The following ESR1 variants were observed in gnomAD, a reference collection of about 807,000 sequenced individuals.
ESR1 encodes the protein estrogen receptor.
ESR1 carries 12 observed loss-of-function variants against 52.7 expected under a neutral mutation model. That is an observed-to-expected ratio of 0.23 (90% CI 0.15 to 0.37). The LOEUF (loss-of-function observed/expected upper bound fraction) is 0.37, where lower values mean the gene tolerates loss of function less well. Among genes scored for constraint, ESR1 ranks in the 10% least tolerant of loss-of-function variants. ESR1 has a pLI of 1.00. For synonymous variants in ESR1, 305 were observed against 316.8 expected (o/e 0.96, Z 0.39); for missense variants, 584 against 779.7 (o/e 0.75, Z 2.99).
intron 3 of ESR1, among the ~76,000 whole-genome samples, chr6:151,909,328 T>TC (rs1327630184): frequency 6.6e-6 from 1 of 152,172 alleles, no homozygotes; most frequent in Non-Finnish European, 1.5e-5. Context: ...TTGGGGAGTC[T>TC]CCACCTTGAA....
chr6:151,919,673 A>G (rs921926017), intron 3 of ESR1, among the ~76,000 whole-genome samples: 2 of 152,198 alleles, frequency 1.3e-5, no homozygotes, highest in African/African-American at 4.8e-5. Context: ...GTCAGCGGAT[A>G]TTTTAGTTGT....
intron 5 of ESR1, among the ~76,000 whole-genome samples, chr6:152,012,956 A>G (rs2042899843): frequency 6.6e-6 from 1 of 152,208 alleles, no homozygotes. Context: ...AGAATTGTAC[A>G]AGGTGTTGGT....
intron 2 of ESR1, among the ~76,000 whole-genome samples, chr6:151,756,183 T>C (rs1214113581): frequency 6.6e-6 from 1 of 151,668 alleles, no homozygotes; most frequent in Non-Finnish European, 1.5e-5. Flanking sequence ...CACTGCATCT[T>C]CCTCCATCTT....
At chr6:151,785,020 G>A (rs79532784) in intron 2 of ESR1, among the ~76,000 whole-genome samples, 3,193 of 152,292 alleles carry the variant, frequency 0.021, 112 homozygotes, top group African/African-American at 0.073. Context: ...TGTTATGAGG[G>A]GGAACTGTAC....
chr6:151,799,124 C>T (rs974101996), intron 2 of ESR1, among the ~76,000 whole-genome samples: 1 of 152,078 alleles, frequency 6.6e-6, no homozygotes, highest in African/African-American at 2.4e-5. Flanking sequence ...CAAGCAAGGC[C>T]CACACTAAAA....
chr6:152,036,856 A>T (rs779655566), intron 5 of ESR1, among the ~76,000 whole-genome samples: 33 of 152,202 alleles, frequency 2.2e-4, no homozygotes, highest in Non-Finnish European at 4.6e-4. Flanking sequence ...TCTCCAAGGC[A>T]TGGGGAGGAA....
At chr6:151,900,119 G>A (rs1375772585) in intron 3 of ESR1, among the ~76,000 whole-genome samples, 1 of 152,236 alleles carries the variant, frequency 6.6e-6, no homozygotes, top group Non-Finnish European at 1.5e-5. Context: ...AGCACTGAGT[G>A]CGGTTTTGTT....
intron 1 of ESR1, among the ~76,000 whole-genome samples, chr6:151,662,798 G>A (rs999266927): frequency 2.6e-5 from 4 of 152,204 alleles, no homozygotes; most frequent in Non-Finnish European, 4.4e-5. Context: ...AAGAGTTTTC[G>A]AAGTCTTTAG....
chr6:151,970,208 G>A (rs1364344171), intron 4 of ESR1, among the ~76,000 whole-genome samples: 1 of 152,046 alleles, frequency 6.6e-6, no homozygotes, highest in East Asian at 1.9e-4. Flanking sequence ...CAGTAAATAA[G>A]GTTAAGGAAG....
chr6:151,718,066 G>A (rs533784276), intron 2 of ESR1, among the ~76,000 whole-genome samples: 1 of 152,246 alleles, frequency 6.6e-6, no homozygotes, highest in South Asian at 2.1e-4. Flanking sequence ...TCTGATGAAT[G>A]AATGAATAAG....
At chr6:152,002,488 A>G (rs752588477) in intron 4 of ESR1, among the ~76,000 whole-genome samples, 31 of 152,116 alleles carry the variant, frequency 2.0e-4, no homozygotes, top group Non-Finnish European at 3.4e-4. Context: ...GAAAGAATGT[A>G]TGTTCCAAGG....
chr6:152,109,060 G>T (rs2051100218), intron 6 of ESR1, among the ~76,000 whole-genome samples: 1 of 152,186 alleles, frequency 6.6e-6, no homozygotes, highest in Non-Finnish European at 1.5e-5. Context: ...GGAGAAGGCA[G>T]AGGGAGGTGG....
rs1360905190 is a variant in ESR1, at chr6:152,011,645, C to T, written c.1097-11C>T. On this transcript the variant is annotated splice_polypyrimidine_tract_variant and intron_variant, in intron 4 of 7. Coordinates refer to ENST00000206249, the MANE Select transcript of ESR1 (RefSeq NM_000125.4). ...ATTTGAGTCAGCAGGGTTTTTCTTG[C>T]TTGTTTTCAGGCTTTGTGGATTTGA... 51 of 1,612,876 alleles carry T rather than the reference C, an allele frequency of 3.2e-5. No individual in the cohort carries two copies. Among genetic ancestry groups the T allele is most frequent in the Non-Finnish European group, 4.2e-5 (49 of 1,179,344 alleles).
At chr6:151,685,848 A>G (rs987635378), upstream of ESR1, among the ~76,000 whole-genome samples, 54 of 152,188 alleles carry the variant, frequency 3.5e-4, no homozygotes, top group African/African-American at 1.3e-3. Flanking sequence ...AAGAGGAGGC[A>G]CATAATTTAT....
chr6:151,906,841 A>C (rs2128422642), intron 3 of ESR1, among the ~76,000 whole-genome samples: 1 of 151,174 alleles, frequency 6.6e-6, no homozygotes, highest in East Asian at 1.9e-4. Flanking sequence ...GGACGCTATA[A>C]AGTTATTTGT....
intron 2 of ESR1, among the ~76,000 whole-genome samples, chr6:151,763,566 G>C (rs962570912): frequency 1.3e-5 from 2 of 152,104 alleles, no homozygotes; most frequent in Admixed American, 6.5e-5. Context: ...CTGACAGGAC[G>C]GTGTTGCCTA....
At chr6:151,972,903 G>A (rs1303565247) in intron 4 of ESR1, among the ~76,000 whole-genome samples, 4 of 152,168 alleles carry the variant, frequency 2.6e-5, no homozygotes, top group Admixed American at 6.5e-5. Context: ...AGAACTTCAC[G>A]TCAGAAATTC....
chr6:151,852,946 G>T (rs1787084708), intron 2 of ESR1, among the ~76,000 whole-genome samples: 1 of 151,832 alleles, frequency 6.6e-6, no homozygotes, highest in African/African-American at 2.4e-5. Flanking sequence ...GGCTGAGGCA[G>T]GCAGATCATG....
Position 152,102,042 on chromosome 6 carries a change from G to C in ESR1, c.*3076G>C. On this transcript the variant is annotated 3_prime_UTR_variant, in exon 8 of 8. Transcript: ENST00000206249. ...TGCCATCATGCAGCAATTATGAGAG[G>C]CTAGGTCATCCAAAGAGAAGACCCT... 4.7e-6 allele frequency: 1 copy of C among 214,344 alleles called. No homozygotes were observed. The highest frequency in any genetic ancestry group is 9.4e-6 in the Non-Finnish European group (1 of 105,906). 13.3% of individuals were successfully genotyped at this position (214,344 alleles called of 1,614,324 possible).
Sources: gnomAD v4.1 joint callset for allele counts (sites outside exome capture counted in the v4.1 genomes callset) on GRCh38, gnomAD v4.1.1 for gene constraint, MANE v1.5 for transcripts, NCBI Gene and HGNC (gene_info 2026-07-23, HGNC 2026-07-21) for gene names.